The following MYH14 variants were observed in gnomAD, a reference collection of about 807,000 sequenced individuals.
The protein encoded by MYH14 is myosin heavy chain 14.
Under a neutral mutation model 255.5 loss-of-function variants are expected in MYH14, and 123 were observed. The ratio of observed to expected loss-of-function variants is 0.48; its 90% CI spans 0.42 to 0.56. The LOEUF (loss-of-function observed/expected upper bound fraction) is 0.56. Among genes scored for constraint, MYH14 ranks in the 20% least tolerant of loss-of-function variants. The probability of loss-of-function intolerance (pLI) is 0.00; values close to 1 mark genes in which losing one functional copy is unlikely to be tolerated. For missense variants in MYH14, 2,423 were observed against 2,802.3 expected (o/e 0.86, Z 3.06); for synonymous variants, 1,095 against 1,161.2 (o/e 0.94, Z 1.16).
intron 11 of MYH14, among the ~76,000 whole-genome samples, chr19:50,245,594 A>G (rs1262050536): frequency 1.3e-5 from 2 of 152,208 alleles, no homozygotes; most frequent in Non-Finnish European, 2.9e-5. Context: ...GTGTCACAGA[A>G]ATGGAATCGT....
At chr19:50,298,077 G>A (rs2036342397) in intron 39 of MYH14, among the ~76,000 whole-genome samples, 1 of 152,092 alleles carries the variant, frequency 6.6e-6, no homozygotes, top group African/African-American at 2.4e-5. Context: ...CCCAAACCCT[G>A]TCCTCTTGGG....
intron 40 of MYH14, among the ~76,000 whole-genome samples, chr19:50,302,467 C>T (rs990458731): frequency 4.6e-5 from 7 of 151,808 alleles, no homozygotes; most frequent in African/African-American, 1.5e-4. Flanking sequence ...CCTGTAGTCC[C>T]AGTTACTGGG....
chr19:50,288,957 C>G (rs1038766740), intron 34 of MYH14, among the ~76,000 whole-genome samples: 1 of 152,072 alleles, frequency 6.6e-6, no homozygotes, highest in Non-Finnish European at 1.5e-5. Flanking sequence ...ATCAGGGACC[C>G]TCCCAAACAG....
intron 17 of MYH14, among the ~76,000 whole-genome samples, chr19:50,255,902 G>C (rs2034574369): frequency 6.6e-6 from 1 of 150,510 alleles, no homozygotes; most frequent in Non-Finnish European, 1.5e-5. Flanking sequence ...GACGGTTGAT[G>C]GCGCTTGAAT....
intron 42 of MYH14, 150 bp downstream of exon 42, chr19:50,309,327 G>T (rs981584865): frequency 1.3e-6 from 1 of 776,848 alleles, no homozygotes. Context: ...TGTTGCGGGA[G>T]AGCCAAATCC....
At chr19:50,220,098 T>C (rs1456328800) in intron 3 of MYH14, among the ~76,000 whole-genome samples, 1 of 152,090 alleles carries the variant, frequency 6.6e-6, no homozygotes, top group Non-Finnish European at 1.5e-5. Context: ...TACACAACAT[T>C]CAGACCCTTC....
intron 10 of MYH14, among the ~76,000 whole-genome samples, chr19:50,240,186 G>A (rs1348603178): frequency 1.3e-5 from 2 of 152,198 alleles, no homozygotes; most frequent in Non-Finnish European, 2.9e-5. Flanking sequence ...GGAGAGGCCA[G>A]TTCCACAGAC....
intron 14 of MYH14, 93 bp downstream of exon 14, chr19:50,249,916 G>T: frequency 1.4e-6 from 2 of 1,473,860 alleles, no homozygotes; most frequent in Non-Finnish European, 1.9e-6. Flanking sequence ...CCTCTGCTGG[G>T]CCTCAGGATG....
rs2034554498 is a variant in MYH14, at chr19:50,255,325, GTC to G, written c.2044+11_2044+12del. 1 of 1,548,744 alleles carries G rather than the reference GTC, an allele frequency of 6.5e-7. No homozygotes were observed. The highest frequency in any genetic ancestry group is 8.7e-7 in the Non-Finnish European group (1 of 1,145,140). ...GCTATTTCTCCGCCAGGGGGTGGGT[GTC>G]TCTGTGCATCGATGGGTGAGGCTTG... On this transcript the variant is annotated splice_region_variant and intron_variant, in intron 17 of 42. Transcript: ENST00000642316.
chr19:50,284,092 C>CA (rs58340482), intron 33 of MYH14, among the ~76,000 whole-genome samples: 49,670 of 143,498 alleles, frequency 0.35, 9,340 homozygotes, highest in African/African-American at 0.52. Context: ...AAACAAAAAA[C>CA]AAAAAAAAAA....
chr19:50,270,412 C>T (rs371969249), intron 24 of MYH14, among the ~76,000 whole-genome samples: 2 of 150,410 alleles, frequency 1.3e-5, no homozygotes, highest in Non-Finnish European at 2.9e-5. Context: ...CCCAGCTACT[C>T]GAGAGGCTGA....
Position 50,259,274 on chromosome 19 carries a change from G to A in MYH14, c.2354+9G>A. 6 of 1,565,878 alleles carry A rather than the reference G, an allele frequency of 3.8e-6. No individual in the cohort carries two copies. Among genetic ancestry groups the A allele is most frequent in the Non-Finnish European group, 5.2e-6 (6 of 1,154,902 alleles). On this transcript the variant is annotated intron_variant, in intron 19 of 42. Transcript: ENST00000642316. ...CAGGAGTTCCGGCAGCGGTGAGCTA[G>A]AGCGAGGGCCCAGGCCCGGCGGAGG... is the stretch of plus-strand genomic sequence containing the variant.
chr19:50,235,624 TA>T (rs547722018), intron 10 of MYH14, among the ~76,000 whole-genome samples: 1,861 of 139,598 alleles, frequency 0.013, 21 homozygotes, highest in African/African-American at 0.039. Flanking sequence ...TACTAAAAAT[TA>T]AAAAAAAAAA....
At chr19:50,263,177 C>A in intron 21 of MYH14, 135 bp from the exon 22 acceptor site, 1 of 582,274 alleles carries the variant, frequency 1.7e-6, no homozygotes, top group Non-Finnish European at 2.8e-6. Context: ...CCAGCCTAGG[C>A]AACAGAGCAA....
intron 1 of MYH14, among the ~76,000 whole-genome samples, chr19:50,208,451 C>A (rs529499637): frequency 1.4e-5 from 2 of 146,282 alleles, no homozygotes; most frequent in Non-Finnish European, 3.0e-5. Flanking sequence ...AACAAACAAA[C>A]AAACAAAAAA....
At chr19:50,275,224 A>G (rs2035459935) in intron 27 of MYH14, among the ~76,000 whole-genome samples, 1 of 152,092 alleles carries the variant, frequency 6.6e-6, no homozygotes, top group Non-Finnish European at 1.5e-5. Context: ...CTCCTGAACC[A>G]TTAACCCCCA....
At chr19:50,225,436 C>A in intron 6 of MYH14, 149 bp from the exon 7 acceptor site, 1 of 611,832 alleles carries the variant, frequency 1.6e-6, no homozygotes, top group Non-Finnish European at 2.9e-6. Context: ...TGGGCAAGAC[C>A]CGGATATGGG....
intron 2 of MYH14, among the ~76,000 whole-genome samples, chr19:50,217,094 C>T (rs1405131170): frequency 1.3e-5 from 2 of 152,018 alleles, no homozygotes. Flanking sequence ...CAGGCGTGAG[C>T]CACCGTGCCC....
intron 7 of MYH14, among the ~76,000 whole-genome samples, chr19:50,226,617 C>T (rs1413271166): frequency 2.7e-5 from 4 of 150,740 alleles, no homozygotes; most frequent in Non-Finnish European, 5.9e-5. Flanking sequence ...GGCCCGGATC[C>T]CTGGGTCTGA....
Sources: gnomAD v4.1 joint callset for allele counts (sites outside exome capture counted in the v4.1 genomes callset) on GRCh38, gnomAD v4.1.1 for gene constraint, MANE v1.5 for transcripts, NCBI Gene and HGNC (gene_info 2026-07-23, HGNC 2026-07-21) for gene names.